The following RHCG variants were observed in gnomAD, a reference collection of about 807,000 sequenced individuals.
RHCG encodes the protein Rh family C glycoprotein, also known as ammonium transporter Rh type C.
RHCG carries 39 observed loss-of-function variants against 55.3 expected under a neutral mutation model. The ratio of observed to expected loss-of-function variants is 0.70; its 90% CI spans 0.55 to 0.92. The LOEUF (loss-of-function observed/expected upper bound fraction) is 0.92, where lower values mean the gene tolerates loss of function less well. Ranked by LOEUF, RHCG falls within the 40% of genes least tolerant of loss-of-function variation. The pLI is 0.00. For synonymous variants in RHCG, 250 were observed against 246.8 expected (o/e 1.01, Z -0.12); for missense variants, 635 against 627.9 (o/e 1.01, Z -0.12).
chr15:89,492,141 C>CGT (rs1961488001), intron 1 of RHCG, among the ~76,000 whole-genome samples: 1 of 152,192 alleles, frequency 6.6e-6, no homozygotes, highest in Non-Finnish European at 1.5e-5. Context: ...CTGCCCAGAA[C>CGT]TGGCTTCCTC....
rs1961173854 is a variant in RHCG at position 89,477,504 on chromosome 15, C to A, written c.1112+13G>T. The A allele has an allele frequency of 1.9e-6, 3 of 1,613,708 alleles. No homozygotes were observed. Among genetic ancestry groups the A allele is most frequent in the East Asian group, 2.2e-5 (1 of 44,862 alleles). The stretch of plus-strand genomic sequence containing the variant: ...GGGGAAGCTCCATCCCACCGCACCT[C>A]CTCCACATTTACCCTTCTTTTCCAT... On this transcript the variant is annotated intron_variant, in intron 7 of 10. Transcript: ENST00000268122. The surrounding 1 kb of genome is among the most constrained non-coding windows in gnomAD (Gnocchi z 4.5).
In RHCG at chr15:89,477,782, G is replaced by T; in HGVS notation, c.975+55C>A. On this transcript the variant is annotated intron_variant, in intron 6 of 10. Transcript: ENST00000268122. This position sits in a 1 kb window ranked among gnomAD's most constrained non-coding sequence, Gnocchi z 4.5. Reference sequence around the variant, plus strand: ...CTAGGAACCCTCAGCTCACTGTCAGGAACACAAAGACCTCAGCATTCTCTA... The same window carrying T: ...CTAGGAACCCTCAGCTCACTGTCAGTAACACAAAGACCTCAGCATTCTCTA... 2 of 1,609,622 alleles carry T rather than the reference G, an allele frequency of 1.2e-6. No homozygotes were observed. The highest frequency in any genetic ancestry group is 1.1e-5 in the South Asian group (1 of 90,646).
chr15:89,495,208 C>T (rs1171743758), intron 1 of RHCG, among the ~76,000 whole-genome samples: 2 of 152,136 alleles, frequency 1.3e-5, no homozygotes, highest in Non-Finnish European at 2.9e-5. Flanking sequence ...TTTTGGCAGC[C>T]ACTTAATATG....
Position 89,486,968 on chromosome 15 carries a change from C to G in RHCG, c.202G>C (p.Val68Leu). 2 of 1,598,968 alleles carry G rather than the reference C, an allele frequency of 1.3e-6. No individual in the cohort carries two copies. The highest frequency in any genetic ancestry group is 2.7e-5 in the African/African-American group (2 of 74,692). The change falls in exon 2 of 11, where the codon GTG becomes CTG. Residue 68 changes from valine (V) to leucine (L), a missense_variant. Transcript: ENST00000268122. ...AAGCCGAAGCCCACGAAGACCATCA[C>G]GTGCACGTCCTGGAAGCCTGCGGGG... ...YRYPSFQDVHVMVFVGFGFLM... is the reference protein window; with the variant it reads ...YRYPSFQDVHLMVFVGFGFLM...
At chr15:89,489,624 C>T (rs887832258) in intron 1 of RHCG, among the ~76,000 whole-genome samples, 15 of 152,164 alleles carry the variant, frequency 9.9e-5, no homozygotes, top group Admixed American at 7.9e-4. Context: ...ACATCTTCAC[C>T]TCCCCCGGTG....
chr15:89,486,858 C>G lies in RHCG; in HGVS notation c.312G>C (p.Leu104=). Residue 104 remains leucine (L), a synonymous_variant, in exon 2 of 11, where the codon CTG becomes CTC. Coordinates refer to ENST00000268122, the MANE Select transcript of RHCG (RefSeq NM_016321.3). ...LLAAFGIQWA[L]LMQGWFHFLQ... ...AGAAGTGGAACCAGCCCTGCATGAG[C>G]AGCGCCCACTGGATGCCGAAGGCTG... The G allele has an allele frequency of 6.2e-7, 1 of 1,611,438 alleles. No homozygotes were observed. Among genetic ancestry groups the G allele is most frequent in the Non-Finnish European group, 8.5e-7 (1 of 1,177,874 alleles).
chr15:89,490,808 C>T (rs1417972389), intron 1 of RHCG, among the ~76,000 whole-genome samples: 18 of 58,924 alleles, frequency 3.1e-4, no homozygotes, highest in African/African-American at 6.6e-4. Flanking sequence ...GGCTGGTGGG[C>T]GGGGGTTAGG....
intron 9 of RHCG, among the ~76,000 whole-genome samples, chr15:89,474,960 G>T (rs1318368588): frequency 2.8e-4 from 25 of 90,124 alleles, no homozygotes; most frequent in South Asian, 3.7e-4. Context: ...ATTCATTCCT[G>T]CCTGCCTGCC....
intron 1 of RHCG, among the ~76,000 whole-genome samples, chr15:89,495,988 G>T (rs1284671108): frequency 6.6e-6 from 1 of 152,196 alleles, no homozygotes; most frequent in African/African-American, 2.4e-5. Flanking sequence ...CAGGGCTGGC[G>T]CTTATTTGGA....
chr15:89,478,490 A>G (rs956372335), intron 5 of RHCG, among the ~76,000 whole-genome samples: 21 of 152,296 alleles, frequency 1.4e-4, no homozygotes, highest in African/African-American at 5.1e-4. Context: ...TTATCTTGCA[A>G]CATTTGCAGA....
intron 1 of RHCG, among the ~76,000 whole-genome samples, chr15:89,491,570 C>A (rs1451836234): frequency 1.3e-5 from 2 of 152,098 alleles, no homozygotes; most frequent in Admixed American, 1.3e-4. Context: ...AGTTCGAGAC[C>A]AGCCTGGCCA....
At chr15:89,486,543 GAAGT>G (rs1567227682) in intron 2 of RHCG, 4 of 537,762 alleles carry the variant, frequency 7.4e-6, no homozygotes, top group Admixed American at 6.9e-5. Flanking sequence ...ATCAGGAAGC[GAAGT>G]GAGAGAGAGA....
intron 2 of RHCG, chr15:89,486,542 C>G (rs1388071864): frequency 4.0e-6 from 2 of 499,408 alleles, no homozygotes; most frequent in South Asian, 3.1e-5. Flanking sequence ...GATCAGGAAG[C>G]GAAGTGAGAG....
chr15:89,493,021 G>T (rs954909082), intron 1 of RHCG, among the ~76,000 whole-genome samples: 2 of 152,160 alleles, frequency 1.3e-5, no homozygotes, highest in Non-Finnish European at 2.9e-5. Flanking sequence ...GAGGTGGTTG[G>T]CTCCTCCATG....
rs1303266621 is a variant in RHCG at position 89,483,154 on chromosome 15, T to A, written c.435A>T (p.Lys145Asn). 6.2e-7 allele frequency: 1 copy of A among 1,606,590 alleles called. No individual in the cohort carries two copies. The highest frequency in any genetic ancestry group is 1.7e-4 in the Middle Eastern group (1 of 6,036). ...VCVAFGAVLG[K>N]VSPIQLLIMT... Reference sequence around the variant, plus strand: ...TGATGAGCAGCTGAATGGGGCTGACTTTACCCAGAACTGCCCCAAAGGCCA... The same window carrying A: ...TGATGAGCAGCTGAATGGGGCTGACATTACCCAGAACTGCCCCAAAGGCCA... The change falls in exon 3 of 11, where the codon AAA (lysine) becomes AAT (asparagine). Residue 145 changes from lysine (K) to asparagine (N), a missense_variant. Lys to Asn is a moderately conservative substitution (Grantham distance 94, BLOSUM62 0). Coordinates refer to ENST00000268122, the MANE Select transcript of RHCG (RefSeq NM_016321.3).
intron 1 of RHCG, among the ~76,000 whole-genome samples, chr15:89,489,837 T>C (rs1961441702): frequency 6.6e-6 from 1 of 152,212 alleles, no homozygotes; most frequent in Non-Finnish European, 1.5e-5. Flanking sequence ...TCCTAGGTTC[T>C]CTCCCTTATG....
At chr15:89,475,343 A>G (rs546939279) in intron 9 of RHCG, among the ~76,000 whole-genome samples, 11 of 152,136 alleles carry the variant, frequency 7.2e-5, no homozygotes, top group Middle Eastern at 6.8e-3. Context: ...CCAGGGTTCA[A>G]GTGATTCTCC....
At position 89,476,827 on chromosome 15, in the gene RHCG, C is replaced by A. The variant is rs1961159138; in HGVS notation, c.1239G>T (p.Gly413=). The change falls in exon 9 of 11, where the codon GGG becomes GGT. Residue 413 remains glycine (G), a splice_region_variant and synonymous_variant. Transcript: ENST00000268122. ...AMALMGGIIV[G]LILRLPFWGQ... ...CCCAGAATGGTAATCTCAAAATGAG[C>A]CCTACAGAAAGTTGGAGATTACAGG... 1 of 1,613,378 alleles carries A rather than the reference C, an allele frequency of 6.2e-7. No homozygotes were observed. Among genetic ancestry groups the A allele is most frequent in the Admixed American group, 1.7e-5 (1 of 59,992 alleles).
chr15:89,496,316 C>A, intron 1 of RHCG, 45 bp downstream of exon 1: 3 of 1,604,484 alleles, frequency 1.9e-6, no homozygotes, highest in Non-Finnish European at 2.6e-6. Context: ...AGGTGGGGAC[C>A]GGCGCGGATA....
Sources: gnomAD v4.1 joint callset for allele counts (sites outside exome capture counted in the v4.1 genomes callset) on GRCh38, gnomAD v4.1.1 for gene constraint, Gnocchi (gnomAD v3.1) non-coding constraint, MANE v1.5 for transcripts, NCBI Gene and HGNC (gene_info 2026-07-23, HGNC 2026-07-21) for gene names.